The following DNAJC16 variants were observed in gnomAD, a reference collection of about 807,000 sequenced individuals.
The protein encoded by DNAJC16 is dnaJ homolog subfamily C member 16.
In DNAJC16, 76 loss-of-function variants were observed where a neutral mutation model predicts 92.7. That is an observed-to-expected ratio of 0.82 (90% CI 0.68 to 0.99). The LOEUF (loss-of-function observed/expected upper bound fraction) is 0.99, where lower values mean the gene tolerates loss of function less well. Among genes scored for constraint, DNAJC16 ranks in the 50% least tolerant of loss-of-function variants. The pLI is 0.00. For missense variants in DNAJC16, 869 were observed against 942.4 expected, an observed-to-expected ratio of 0.92 and a Z score of 1.02; for synonymous variants, 328 against 358.7, an observed-to-expected ratio of 0.91 and a Z score of 0.97.
At chr1:15,527,003 G>C (rs1570892260) in intron 1 of DNAJC16, 45 bp downstream of exon 1, 1 of 152,378 alleles carries the variant, frequency 6.6e-6, no homozygotes, top group African/African-American at 2.4e-5. Context: ...GACGCGGCGG[G>C]GCCAGGCCGA....
chr1:15,558,398 G>C (rs1638618813), intron 7 of DNAJC16, among the ~76,000 whole-genome samples: 1 of 152,028 alleles, frequency 6.6e-6, no homozygotes, highest in Non-Finnish European at 1.5e-5. Context: ...TGTTGCCCAG[G>C]CTGGTCTCGA....
chr1:15,527,828 A>G (rs568013062), intron 1 of DNAJC16, among the ~76,000 whole-genome samples: 15 of 152,238 alleles, frequency 9.9e-5, no homozygotes, highest in Non-Finnish European at 1.6e-4. Context: ...CACAGAAGAC[A>G]CTTGAACCTT....
chr1:15,552,746 T>C (rs1437197900), intron 7 of DNAJC16, among the ~76,000 whole-genome samples: 1 of 151,402 alleles, frequency 6.6e-6, no homozygotes, highest in African/African-American at 2.4e-5. Flanking sequence ...CTACCTGTTA[T>C]GTGTCTTTTT....
rs1472990678 is a variant in DNAJC16 at position 15,529,155 on chromosome 1, T to C, written c.50T>C (p.Val17Ala). Residue 17 changes from valine (V) to alanine (A), a missense_variant, in exon 2 of 15, where the codon GTT (valine) becomes GCT (alanine). By Grantham distance (64) the Val-to-Ala change is moderately conservative (BLOSUM62 0). Coordinates refer to ENST00000375847, the MANE Select transcript of DNAJC16 (RefSeq NM_015291.4). Reference sequence around the variant, plus strand: ...TCCTGGCAGTTCTTGATAGTTCTGGTTCTGATCCTGCAAATTCTGTCTGCG... The same window carrying C: ...TCCTGGCAGTTCTTGATAGTTCTGGCTCTGATCCTGCAAATTCTGTCTGCG... ...SISWQFLIVL[V>A]LILQILSALD... 1 of 1,614,120 alleles carries C rather than the reference T, an allele frequency of 6.2e-7. No homozygotes were observed. Among genetic ancestry groups the C allele is most frequent in the Admixed American group, 1.7e-5 (1 of 60,014 alleles).
At chr1:15,534,577 T>C (rs1180839424) in intron 3 of DNAJC16, among the ~76,000 whole-genome samples, 1 of 151,888 alleles carries the variant, frequency 6.6e-6, no homozygotes, top group Admixed American at 6.6e-5. Flanking sequence ...CAAAAAAAAT[T>C]CGCCGGGCGT....
rs762292372 is a variant in DNAJC16, at chr1:15,534,306, A to G, written c.234+3A>G. The G allele has an allele frequency of 3.1e-6, 5 of 1,613,838 alleles. No homozygotes were observed. In the East Asian group the frequency reaches 6.7e-5, roughly 22 times the overall value. ...TTCAAATCAGTAAGGCTTACGAGGTATCGTGTCCAGCTTTGTGATGCATCC... is the reference window on the plus strand; with the variant it reads ...TTCAAATCAGTAAGGCTTACGAGGTGTCGTGTCCAGCTTTGTGATGCATCC... On this transcript the variant is annotated splice_donor_region_variant and intron_variant, in intron 3 of 14. Transcript: ENST00000375847.
intron 7 of DNAJC16, among the ~76,000 whole-genome samples, chr1:15,549,146 A>G (rs987683643): frequency 6.6e-6 from 1 of 152,200 alleles, no homozygotes; most frequent in Non-Finnish European, 1.5e-5. Flanking sequence ...GTGTCCTGTG[A>G]ACACAGAAGG....
intron 9 of DNAJC16, among the ~76,000 whole-genome samples, chr1:15,562,782 T>TAA (rs1638719310): frequency 6.6e-6 from 1 of 151,832 alleles, no homozygotes; most frequent in Non-Finnish European, 1.5e-5. Context: ...GCTCCTGGCC[T>TAA]AAAGCCTACT....
chr1:15,535,465 G>A (rs1411541715), intron 3 of DNAJC16, among the ~76,000 whole-genome samples: 10 of 152,112 alleles, frequency 6.6e-5, no homozygotes, highest in Non-Finnish European at 1.5e-5. Context: ...ATATCTAATC[G>A]GCTGGACCCA....
rs748538547 is a variant in DNAJC16, at chr1:15,565,947, A to G, written c.1627A>G (p.Ile543Val). The stretch of plus-strand genomic sequence containing the variant: ...GGAAATGATGCCCCTGCTGTCCCTG[A>G]TCTTCTCTGCCCTCTTCATCCTCTT... Reference protein sequence around the residue: ...WREMMPLLSLIFSALFILFGT... With the variant: ...WREMMPLLSLVFSALFILFGT... The change falls in exon 12 of 15, where the codon ATC (isoleucine) becomes GTC (valine). Residue 543 changes from isoleucine (I) to valine (V), a missense_variant. Transcript: ENST00000375847. 3.1e-6 allele frequency: 5 copies of G among 1,612,844 alleles called. No individual in the cohort carries two copies. In the African/African-American group the frequency reaches 5.4e-5, roughly 17 times the overall value.
At chr1:15,540,048 G>A (rs1180257020) in intron 4 of DNAJC16, among the ~76,000 whole-genome samples, 1 of 151,460 alleles carries the variant, frequency 6.6e-6, no homozygotes, top group Non-Finnish European at 1.5e-5. Context: ...TAAAGTGGCC[G>A]GGCATGTTGG....
intron 4 of DNAJC16, among the ~76,000 whole-genome samples, chr1:15,539,248 T>G (rs114161448): frequency 2.8e-4 from 42 of 150,298 alleles, no homozygotes; most frequent in African/African-American, 7.8e-4. Context: ...ATTTTATTTT[T>G]TTTTTTTATT....
At chr1:15,564,213 G>C in intron 10 of DNAJC16, 70 bp from the exon 11 acceptor site, 2 of 1,535,870 alleles carry the variant, frequency 1.3e-6, no homozygotes, top group Non-Finnish European at 1.8e-6. Context: ...CAGCAGCACT[G>C]TGTTGCAGGG....
At chr1:15,555,617 A>G (rs1340354100) in intron 7 of DNAJC16, among the ~76,000 whole-genome samples, 1 of 144,406 alleles carries the variant, frequency 6.9e-6, no homozygotes, top group Non-Finnish European at 1.5e-5. Context: ...AGGAGGCAGA[A>G]GTTGCAGTGA....
rs1175570869 is a variant in DNAJC16 at position 15,568,007 on chromosome 1, A to C, written c.2179A>C (p.Ser727Arg). ...VEEEEAIGSC[S>R]DVDSSLYLGE... Reference sequence around the variant, plus strand: ...AGAGGAGGAAGCCATAGGGTCGTGCAGTGATGTTGACTCTTCCCTCTACCT... The same window carrying C: ...AGAGGAGGAAGCCATAGGGTCGTGCCGTGATGTTGACTCTTCCCTCTACCT... The change falls in exon 15 of 15, where the codon AGT (serine) becomes CGT (arginine). Residue 727 changes from serine to arginine, a missense_variant. Physicochemically the swap from Ser to Arg is moderately radical, Grantham distance 110. Transcript: ENST00000375847. The C allele has an allele frequency of 3.1e-6, 5 of 1,614,108 alleles. No homozygotes were observed. The highest frequency in any genetic ancestry group is 4.2e-6 in the Non-Finnish European group (5 of 1,180,056).
intron 9 of DNAJC16, among the ~76,000 whole-genome samples, 170 bp from the exon 10 acceptor site, chr1:15,563,759 A>T (rs1638745037): frequency 6.7e-6 from 1 of 148,994 alleles, no homozygotes; most frequent in Non-Finnish European, 1.5e-5. Context: ...CTGAGCCAGG[A>T]GAATGGCGTG....
chr1:15,535,890 A>G (rs1346037434), intron 3 of DNAJC16, among the ~76,000 whole-genome samples: 2 of 150,936 alleles, frequency 1.3e-5, no homozygotes, highest in East Asian at 3.9e-4. Context: ...TCACCCTCCC[A>G]AGTAGCTAGG....
At chr1:15,549,149 A>C (rs552617098) in intron 7 of DNAJC16, among the ~76,000 whole-genome samples, 1 of 152,328 alleles carries the variant, frequency 6.6e-6, no homozygotes, top group South Asian at 2.1e-4. Flanking sequence ...TCCTGTGAAC[A>C]CAGAAGGGTA....
intron 7 of DNAJC16, among the ~76,000 whole-genome samples, chr1:15,551,185 G>C (rs1243538044): frequency 6.6e-6 from 1 of 152,114 alleles, no homozygotes; most frequent in Non-Finnish European, 1.5e-5. Context: ...TTATATCTTT[G>C]ATGAAGCAGT....
Sources: gnomAD v4.1 joint callset for allele counts (sites outside exome capture counted in the v4.1 genomes callset) on GRCh38, gnomAD v4.1.1 for gene constraint, MANE v1.5 for transcripts, NCBI Gene and HGNC (gene_info 2026-07-23, HGNC 2026-07-21) for gene names.